MFSD11: variants seen among roughly 807,000 people sequenced by gnomAD.
MFSD11 encodes the protein major facilitator superfamily domain containing 11.
A neutral mutation model predicts 53.5 loss-of-function variants in MFSD11; 36 were observed. That is an observed-to-expected ratio of 0.67 (90% CI 0.52 to 0.89). MFSD11 has a LOEUF of 0.89. Among genes scored for constraint, MFSD11 ranks in the 40% least tolerant of loss-of-function variants. The probability of loss-of-function intolerance (pLI) is 0.00; values close to 1 mark genes in which losing one functional copy is unlikely to be tolerated. For synonymous variants in MFSD11, 186 were observed against 184.9 expected, an observed-to-expected ratio of 1.01 and a Z score of -0.05; for missense variants, 530 against 543.9, an observed-to-expected ratio of 0.97 and a Z score of 0.25.
At chr17:76,748,265 GAT>G (rs2078731162) in intron 7 of MFSD11, among the ~76,000 whole-genome samples, 1 of 152,176 alleles carries the variant, frequency 6.6e-6, no homozygotes, top group Non-Finnish European at 1.5e-5. Flanking sequence ...TGTAAGCCAA[GAT>G]AGGAGGTTTG....
downstream of MFSD11, among the ~76,000 whole-genome samples, chr17:76,784,401 G>A (rs557065402): frequency 6.6e-6 from 1 of 152,168 alleles, no homozygotes; most frequent in Non-Finnish European, 1.5e-5. Flanking sequence ...GGGCATGGTG[G>A]CGCTGCCTGT....
downstream of MFSD11, among the ~76,000 whole-genome samples, chr17:76,779,633 TGC>T (rs2082103578): frequency 6.6e-6 from 1 of 152,072 alleles, no homozygotes; most frequent in Admixed American, 6.6e-5. Context: ...TACAGGCATG[TGC>T]CACCACACCT....
intron 8 of MFSD11, among the ~76,000 whole-genome samples, chr17:76,762,696 G>A (rs2080395294): frequency 6.7e-6 from 1 of 149,432 alleles, no homozygotes. Context: ...ACCAGCTAGT[G>A]AGACTCACAT....
At chr17:76,798,006 C>T in the MFSD11 span, among the ~76,000 whole-genome samples, 2 of 151,932 alleles carry the variant, frequency 1.3e-5, no homozygotes, top group Non-Finnish European at 2.9e-5. Context: ...ACCTCAGCCT[C>T]CCGAGTAGCT....
At chr17:76,800,298 C>G in the MFSD11 span, among the ~76,000 whole-genome samples, 2 of 152,160 alleles carry the variant, frequency 1.3e-5, no homozygotes, top group African/African-American at 4.8e-5. Context: ...AAGTATCTGG[C>G]TAAAAGGGTT....
At chr17:76,790,149 T>C in the MFSD11 span, among the ~76,000 whole-genome samples, 1 of 142,578 alleles carries the variant, frequency 7.0e-6, no homozygotes, top group Non-Finnish European at 1.5e-5. Flanking sequence ...TGGCGTGATC[T>C]TGGCTCACTG....
the MFSD11 span, among the ~76,000 whole-genome samples, chr17:76,798,333 C>A: frequency 1.3e-5 from 2 of 152,140 alleles, no homozygotes; most frequent in Non-Finnish European, 2.9e-5. Flanking sequence ...TCCCAGCACC[C>A]CATGTATTCA....
downstream of MFSD11, among the ~76,000 whole-genome samples, chr17:76,783,966 A>G (rs1598821562): frequency 6.6e-6 from 1 of 151,970 alleles, no homozygotes; most frequent in South Asian, 2.1e-4. Flanking sequence ...CCAGAAAAAA[A>G]AAAAAAGAAA....
the MFSD11 span, among the ~76,000 whole-genome samples, chr17:76,796,824 A>G: frequency 1.6e-3 from 237 of 149,972 alleles, 4 homozygotes; most frequent in East Asian, 0.021. Context: ...AAAAAAAAAA[A>G]AAAAAATTAG....
At position 76,753,994 on chromosome 17, in the gene MFSD11, G is replaced by A. The variant is rs1055911366; in HGVS notation, c.642-53G>A. On this transcript the variant is annotated intron_variant, in intron 7 of 12. Transcript: ENST00000685175. The stretch of plus-strand genomic sequence containing the variant: ...TAAATGAAAATGTGATCGTATGTTT[G>A]TTCTTTTATTTTCAAAAAGAAAAAA... 5 of 1,440,498 alleles carry A rather than the reference G, an allele frequency of 3.5e-6. No homozygotes were observed. In the African/African-American group the frequency reaches 5.7e-5, roughly 16 times the overall value. The allele number at this position is 1,440,498 out of a possible 1,614,324, so 89.2% of individuals were successfully genotyped here.
chr17:76,737,325 A>G (rs1208159942), upstream of MFSD11: 13 of 912,540 alleles, frequency 1.4e-5, no homozygotes, highest in Non-Finnish European at 1.7e-5. Flanking sequence ...GCACCTGAGT[A>G]ACAACTGGGC....
intron 7 of MFSD11, among the ~76,000 whole-genome samples, chr17:76,746,712 C>T (rs988996150): frequency 1.3e-5 from 2 of 152,166 alleles, no homozygotes; most frequent in African/African-American, 4.8e-5. Flanking sequence ...CATTTGTTTA[C>T]GGCATGGCTT....
chr17:76,765,893 G>GA lies in MFSD11; in HGVS notation c.683-1491dup, dbSNP rs537058881. On this transcript the variant is annotated intron_variant, in intron 8 of 12. Coordinates refer to ENST00000685175, the MANE Select transcript of MFSD11 (RefSeq NM_001242532.5). ...ATGTGGCCCCTATACCACATGTATG[G>GA]AACTTCCCTCTGTTATTAATGTTCC... 2.0e-4 allele frequency among the ~76,000 whole-genome samples: 30 copies of GA among 151,594 alleles called. No homozygotes were observed. In the East Asian group the frequency reaches 4.5e-3, roughly 23 times the overall value.
At chr17:76,744,569 CTG>C in intron 7 of MFSD11, 103 bp downstream of exon 7, 1 of 963,288 alleles carries the variant, frequency 1.0e-6, no homozygotes, top group Non-Finnish European at 1.5e-6. Flanking sequence ...CCAGTACTCT[CTG>C]TAGGTTACCA....
the MFSD11 span, among the ~76,000 whole-genome samples, chr17:76,790,593 C>T: frequency 6.8e-6 from 1 of 147,442 alleles, no homozygotes; most frequent in African/African-American, 2.5e-5. Flanking sequence ...GCTGGGATTA[C>T]AGGCGTGAGC....
chr17:76,755,812 ATTTTTTTT>A (rs552254902), intron 8 of MFSD11, among the ~76,000 whole-genome samples: 4 of 19,540 alleles, frequency 2.0e-4, no homozygotes, highest in African/African-American at 4.9e-4. Flanking sequence ...ATATATATAT[ATTTTTTTT>A]TTTTTTTTTT....
At chr17:76,752,061 A>G (rs1477346959) in intron 7 of MFSD11, among the ~76,000 whole-genome samples, 2 of 152,252 alleles carry the variant, frequency 1.3e-5, no homozygotes, top group Non-Finnish European at 2.9e-5. Flanking sequence ...CAAAGGAATC[A>G]TAGAAGGAAA....
chr17:76,783,783 C>T (rs928130947), downstream of MFSD11, among the ~76,000 whole-genome samples: 8 of 152,038 alleles, frequency 5.3e-5, no homozygotes, highest in African/African-American at 1.7e-4. Flanking sequence ...AGACTGGTCT[C>T]GAACTCCTGA....
intron 5 of MFSD11, 74 bp from the exon 6 acceptor site, chr17:76,743,324 G>A (rs2144157801): frequency 1.0e-6 from 1 of 954,564 alleles, no homozygotes; most frequent in East Asian, 2.9e-5. Flanking sequence ...CAAATAATGG[G>A]AATAATTATT....
Sources: gnomAD v4.1 joint callset for allele counts (sites outside exome capture counted in the v4.1 genomes callset) on GRCh38, gnomAD v4.1.1 for gene constraint, MANE v1.5 for transcripts, NCBI Gene and HGNC (gene_info 2026-07-23, HGNC 2026-07-21) for gene names.